SLC25A26: variants seen among roughly 807,000 people sequenced by gnomAD.
SLC25A26 encodes solute carrier family 25 member 26.
In SLC25A26, 36 loss-of-function variants were observed where a neutral mutation model predicts 37.8. That is an observed-to-expected ratio of 0.95 (90% CI 0.73 to 1.26). SLC25A26 has a LOEUF of 1.26. SLC25A26 is among the 50% of genes most tolerant of loss of function. The pLI is 0.00. For missense variants in SLC25A26, 390 were observed against 331.1 expected, an observed-to-expected ratio of 1.18 and a Z score of -1.38; for synonymous variants, 129 against 122.5, an observed-to-expected ratio of 1.05 and a Z score of -0.35.
At chr3:66,361,743 C>T (rs971912171) in intron 6 of SLC25A26, among the ~76,000 whole-genome samples, 1 of 152,128 alleles carries the variant, frequency 6.6e-6, no homozygotes, top group Non-Finnish European at 1.5e-5. Context: ...GCGGGTGGAT[C>T]GCTTGAGGTC....
intron 9 of SLC25A26, among the ~76,000 whole-genome samples, chr3:66,372,985 C>T (rs1287487816): frequency 1.3e-5 from 2 of 152,222 alleles, no homozygotes; most frequent in Non-Finnish European, 2.9e-5. Flanking sequence ...TTTATCTTTC[C>T]GTGTGGTCCA....
chr3:66,325,349 T>C (rs2075810779), intron 5 of SLC25A26, among the ~76,000 whole-genome samples: 1 of 152,218 alleles, frequency 6.6e-6, no homozygotes, highest in Non-Finnish European at 1.5e-5. Flanking sequence ...CATGGATTCA[T>C]TTACAAAGGC....
At chr3:66,343,981 G>T (rs900138299) in intron 5 of SLC25A26, among the ~76,000 whole-genome samples, 25 of 152,144 alleles carry the variant, frequency 1.6e-4, no homozygotes, top group Admixed American at 7.2e-4. Context: ...ATTCGGGGGG[G>T]CTGGCTGCCT....
At chr3:66,249,907 TCAAA>T (rs1367348061) in intron 3 of SLC25A26, among the ~76,000 whole-genome samples, 4 of 152,340 alleles carry the variant, frequency 2.6e-5, no homozygotes, top group Admixed American at 6.5e-5. Context: ...CTGAGTGCAC[TCAAA>T]CAAACACTTT....
At chr3:66,337,305 T>C (rs2076112324) in intron 5 of SLC25A26, among the ~76,000 whole-genome samples, 2 of 152,122 alleles carry the variant, frequency 1.3e-5, no homozygotes, top group African/African-American at 2.4e-5. Context: ...GGTCTTAGCC[T>C]ACCATGTTAG....
intron 3 of SLC25A26, among the ~76,000 whole-genome samples, chr3:66,253,542 G>A (rs923923694): frequency 6.6e-6 from 1 of 152,076 alleles, no homozygotes; most frequent in Non-Finnish European, 1.5e-5. Context: ...AAGATAGAGC[G>A]AGGGGCCACA....
chr3:66,360,819 C>T (rs2076689280), intron 6 of SLC25A26, among the ~76,000 whole-genome samples: 1 of 152,190 alleles, frequency 6.6e-6, no homozygotes, highest in African/African-American at 2.4e-5. Context: ...ACATTAACAA[C>T]TGGTTCTCTC....
At chr3:66,226,759 C>G (rs947128563) in intron 1 of SLC25A26, among the ~76,000 whole-genome samples, 1 of 150,684 alleles carries the variant, frequency 6.6e-6, no homozygotes, top group African/African-American at 2.4e-5. Context: ...CTGAGCCCAG[C>G]CCATGTTGTT....
At chr3:66,206,743 C>T (rs960326795) in intron 1 of SLC25A26, among the ~76,000 whole-genome samples, 2 of 148,990 alleles carry the variant, frequency 1.3e-5, no homozygotes, top group Non-Finnish European at 3.0e-5. Flanking sequence ...TGCTGTATTG[C>T]ATAGGCTGGG....
chr3:66,170,355 G>A (rs1361849477), intron 1 of SLC25A26, among the ~76,000 whole-genome samples: 1 of 152,104 alleles, frequency 6.6e-6, no homozygotes, highest in Non-Finnish European at 1.5e-5. Flanking sequence ...TTCAGAGTAT[G>A]GAATCAGATA....
chr3:66,231,680 A>G (rs1458575319), intron 1 of SLC25A26, among the ~76,000 whole-genome samples: 1 of 152,086 alleles, frequency 6.6e-6, no homozygotes, highest in Non-Finnish European at 1.5e-5. Context: ...ATGGGATTAT[A>G]TAGCATATAT....
At chr3:66,281,523 T>C (rs1402511542) in intron 5 of SLC25A26, among the ~76,000 whole-genome samples, 1 of 152,176 alleles carries the variant, frequency 6.6e-6, no homozygotes, top group African/African-American at 2.4e-5. Context: ...GTTTCCTCCC[T>C]TGCCCTCCAG....
intron 1 of SLC25A26, among the ~76,000 whole-genome samples, chr3:66,134,697 A>T (rs193202120): frequency 7.2e-5 from 11 of 152,200 alleles, no homozygotes; most frequent in Non-Finnish European, 1.5e-5. Flanking sequence ...AATCATGTCC[A>T]TGTCTTTGGA....
intron 1 of SLC25A26, among the ~76,000 whole-genome samples, chr3:66,222,224 A>G (rs1364922890): frequency 2.0e-5 from 3 of 146,576 alleles, no homozygotes; most frequent in Non-Finnish European, 3.0e-5. Context: ...CTCTTCGCCC[A>G]GGCTGGAGTG....
rs57194947 is a variant in SLC25A26 at position 66,150,524 on chromosome 3, G to GATATAT, written c.-354+16556_-354+16561dup. Among the ~76,000 whole-genome samples the GATATAT allele has an allele frequency of 3.5e-3, 365 of 103,630 alleles. 4 individuals are homozygous for GATATAT. The highest frequency in any genetic ancestry group is 5.6e-3 in the African/African-American group (149 of 26,480). The allele number at this position is 103,630 out of a possible 152,430, so 68.0% of individuals were successfully genotyped here. A position where few individuals can be genotyped will look rare whatever the true frequency, so the allele number is the denominator to read the frequency against. On this transcript the variant is annotated intron_variant, in intron 1 of 10. Transcript: ENST00000676754. The stretch of plus-strand genomic sequence containing the variant: ...AGACAAAAAAATATATATATATAAT[G>GATATAT]ATATATATATATATATATATAAAAT...
chr3:66,278,853 A>G (rs538874795), intron 5 of SLC25A26, among the ~76,000 whole-genome samples: 8 of 152,274 alleles, frequency 5.3e-5, no homozygotes, highest in South Asian at 2.1e-4. Flanking sequence ...AGGGTTGACA[A>G]TTTCATCCTG....
intron 1 of SLC25A26, among the ~76,000 whole-genome samples, chr3:66,191,674 G>T (rs2070944798): frequency 6.6e-6 from 1 of 151,866 alleles, no homozygotes; most frequent in Admixed American, 6.6e-5. Context: ...TGGATCATTT[G>T]AGGTCAGGAG....
intron 3 of SLC25A26, among the ~76,000 whole-genome samples, chr3:66,244,816 CAAA>C (rs898402415): frequency 6.9e-6 from 1 of 144,846 alleles, no homozygotes; most frequent in Non-Finnish European, 1.5e-5. Context: ...ACTGAAAATA[CAAA>C]AAAAAAAATT....
Position 66,221,099 on chromosome 3 carries a change from A to G in SLC25A26, c.5A>G (p.Asp2Gly), listed in dbSNP as rs2071467015. 6.5e-7 allele frequency: 1 copy of G among 1,531,736 alleles called. No homozygotes were observed. The highest frequency in any genetic ancestry group is 1.4e-5 in the African/African-American group (1 of 72,644). The allele number at this position is 1,531,736 out of a possible 1,614,324, so 94.9% of individuals were successfully genotyped here. A position where few individuals can be genotyped will look rare whatever the true frequency, so the allele number is the denominator to read the frequency against. ...CTTGACGAGGTCTGAGCGACCATGGACCGGCCGGGGTTCGTGGCAGCGCTG... is the reference window on the plus strand; with the variant it reads ...CTTGACGAGGTCTGAGCGACCATGGGCCGGCCGGGGTTCGTGGCAGCGCTG... MDRPGFVAALVA... is the reference protein window; with the variant it reads MGRPGFVAALVA... Residue 2 changes from aspartate to glycine, a missense_variant, in exon 1 of 10, where the codon GAC becomes GGC. Physicochemically the swap from Asp to Gly is moderately conservative, Grantham distance 94. Transcript: ENST00000354883.
Sources: allele counts gnomAD v4.1 joint callset (sites outside exome capture counted in the v4.1 genomes callset), GRCh38; gene constraint gnomAD v4.1.1; transcripts MANE v1.5; gene names NCBI Gene and HGNC (gene_info 2026-07-23, HGNC 2026-07-21).